MAP7D2: variants seen among roughly 807,000 people sequenced by gnomAD.
MAP7D2 encodes MAP7 domain-containing protein 2.
In MAP7D2, 33 loss-of-function variants were observed where a neutral mutation model predicts 63.5. The observed-to-expected ratio is 0.52, with a 90% CI of 0.39 to 0.70. The LOEUF (loss-of-function observed/expected upper bound fraction) is 0.70. MAP7D2 is among the 30% of genes least tolerant of loss of function. The pLI is 0.00. For synonymous variants in MAP7D2, 224 were observed against 223.7 expected, an observed-to-expected ratio of 1.00 and a Z score of -0.01; for missense variants, 626 against 604.0, an observed-to-expected ratio of 1.04 and a Z score of -0.38.
At chrX:20,052,831 C>T in intron 5 of MAP7D2, 47 bp downstream of exon 5, 3 of 991,452 alleles carry the variant, frequency 3.0e-6, no homozygotes, top group Non-Finnish European at 4.3e-6. Context: ...GATGCTCACA[C>T]CAGAAAAGAA....
At chrX:20,070,515 G>C (rs2065476825) in intron 1 of MAP7D2, among the ~76,000 whole-genome samples, 1 of 110,310 alleles carries the variant, frequency 9.1e-6, no homozygotes, top group African/African-American at 3.3e-5. Flanking sequence ...CAAATGTGAA[G>C]CCCTGGGAAG....
In MAP7D2 at chrX:20,116,901, G is replaced by A. The variant is rs1265158449; in HGVS notation, c.-22C>T. The A allele has an allele frequency of 1.9e-6, 2 of 1,075,360 alleles. No homozygotes were observed. Among genetic ancestry groups the A allele is most frequent in the Admixed American group, 7.5e-5 (2 of 26,511 alleles). 88.6% of individuals were successfully genotyped at this position (1,075,360 alleles called of 1,213,427 possible). A position where few individuals can be genotyped will look rare whatever the true frequency, so the allele number is the denominator to read the frequency against. On this transcript the variant is annotated 5_prime_UTR_variant, in exon 1 of 17. Transcript: ENST00000379643. ...CCATCGGGATGCGCCGGCCGCACAG[G>A]CGCACTGCCAAGCCCGCCGCGCCGC...
intron 10 of MAP7D2, among the ~76,000 whole-genome samples, chrX:20,018,440 CTTTT>C (rs757792186): frequency 3.9e-5 from 3 of 77,412 alleles, no homozygotes; most frequent in Admixed American, 1.4e-4. Flanking sequence ...AAATCTTGTC[CTTTT>C]TTTTTTTTTT....
intron 8 of MAP7D2, among the ~76,000 whole-genome samples, chrX:20,036,327 C>G (rs895464326): frequency 9.1e-6 from 1 of 109,971 alleles, no homozygotes; most frequent in Non-Finnish European, 1.9e-5. Context: ...ACTGCAACCT[C>G]CGCCTCCCGG....
intron 10 of MAP7D2, among the ~76,000 whole-genome samples, chrX:20,022,721 G>A (rs2073698273): frequency 9.0e-6 from 1 of 111,637 alleles, no homozygotes; most frequent in Non-Finnish European, 1.9e-5. Flanking sequence ...GAGAAGGGAA[G>A]TTTGGGGAAA....
chrX:20,096,302 C>T (rs1461341222), intron 1 of MAP7D2, among the ~76,000 whole-genome samples: 9 of 91,944 alleles, frequency 9.8e-5, no homozygotes, highest in African/African-American at 2.0e-4. Context: ...CAGTGGTGCA[C>T]GCCAATAGTC....
chrX:20,100,435 G>A, intron 1 of MAP7D2, among the ~76,000 whole-genome samples: 1 of 112,010 alleles, frequency 8.9e-6, no homozygotes, highest in Non-Finnish European at 1.9e-5. Context: ...AGCTGTCGAT[G>A]TTCTAGCTCC....
At chrX:20,018,815 A>G (rs1267978557) in intron 10 of MAP7D2, among the ~76,000 whole-genome samples, 1 of 110,742 alleles carries the variant, frequency 9.0e-6, no homozygotes, top group Admixed American at 9.6e-5. Flanking sequence ...AAAATTCAAC[A>G]AAACAAACAA....
chrX:20,095,916 C>T (rs750071624), intron 1 of MAP7D2, among the ~76,000 whole-genome samples: 1 of 108,076 alleles, frequency 9.3e-6, no homozygotes, highest in African/African-American at 3.4e-5. Flanking sequence ...CCCATCTCTA[C>T]TAAAAATACA....
intron 7 of MAP7D2, among the ~76,000 whole-genome samples, chrX:20,043,179 G>T (rs999625576): frequency 1.8e-5 from 2 of 111,187 alleles, no homozygotes; most frequent in African/African-American, 6.5e-5. Context: ...TCCTCAATTG[G>T]CCCCCACACT....
intron 3 of MAP7D2, among the ~76,000 whole-genome samples, chrX:20,062,199 T>C (rs1308994475): frequency 1.8e-5 from 2 of 112,226 alleles, no homozygotes; most frequent in Non-Finnish European, 3.8e-5. Context: ...CCTCTTTTAA[T>C]TCCTGTAACT....
intron 6 of MAP7D2, among the ~76,000 whole-genome samples, chrX:20,050,433 G>A (rs1268076152): frequency 1.8e-5 from 2 of 112,131 alleles, no homozygotes; most frequent in Non-Finnish European, 3.8e-5. Context: ...TTATAGATGA[G>A]AAAACTGAGG....
intron 3 of MAP7D2, among the ~76,000 whole-genome samples, chrX:20,058,282 C>T (rs946972434): frequency 8.9e-6 from 1 of 112,262 alleles, no homozygotes; most frequent in Non-Finnish European, 1.9e-5. Context: ...TACAGCCACT[C>T]GAGATTGGGG....
At chrX:20,104,219 G>C (rs747470158) in intron 1 of MAP7D2, among the ~76,000 whole-genome samples, 1 of 112,561 alleles carries the variant, frequency 8.9e-6, no homozygotes, top group Non-Finnish European at 1.9e-5. Context: ...GGAAATTTAG[G>C]TGGGTGAGGA....
At chrX:20,025,649 T>C (rs1569515932) in intron 9 of MAP7D2, 32 bp downstream of exon 9, 2 of 1,206,861 alleles carry the variant, frequency 1.7e-6, no homozygotes, top group African/African-American at 1.7e-5. Flanking sequence ...AGAACCGTCT[T>C]GGGAAAGCCA....
chrX:20,026,220 A>G (rs2073839265), intron 8 of MAP7D2, among the ~76,000 whole-genome samples: 1 of 111,902 alleles, frequency 8.9e-6, no homozygotes, highest in South Asian at 3.7e-4. Context: ...TTTCATGACA[A>G]TGTAAAGATG....
Position 20,025,347 on chromosome X carries a change from C to T in MAP7D2, c.1280-264G>A, listed in dbSNP as rs748276978. Among the ~76,000 whole-genome samples the T allele has an allele frequency of 8.1e-4, 91 of 112,081 alleles. 1 individual carries two copies. The highest frequency in any genetic ancestry group is 2.9e-3 in the African/African-American group (89 of 30,876). ...CACTAGCAAGTGCCACAGCAGCCACCATCTGGGTGAACTCACTGCATCATA... is the reference window on the plus strand; with the variant it reads ...CACTAGCAAGTGCCACAGCAGCCACTATCTGGGTGAACTCACTGCATCATA... On this transcript the variant is annotated intron_variant, in intron 9 of 16. Transcript: ENST00000379643.
intron 1 of MAP7D2, among the ~76,000 whole-genome samples, chrX:20,070,563 A>C (rs1191900185): frequency 9.0e-6 from 1 of 111,446 alleles, no homozygotes; most frequent in Non-Finnish European, 1.9e-5. Context: ...TGCCCTACCC[A>C]GGAGAAGGAC....
chrX:20,108,780 A>G (rs927834375), intron 1 of MAP7D2, among the ~76,000 whole-genome samples: 2 of 109,752 alleles, frequency 1.8e-5, no homozygotes, highest in Admixed American at 9.8e-5. Flanking sequence ...TTTGAGACAC[A>G]CTAGCCTAGA....
Sources: allele counts gnomAD v4.1 joint callset (sites outside exome capture counted in the v4.1 genomes callset), GRCh38; gene constraint gnomAD v4.1.1; transcripts MANE v1.5; gene names NCBI Gene and HGNC (gene_info 2026-07-23, HGNC 2026-07-21).